Variants in CACNA1I observed in about 807,000 individuals in gnomAD.
CACNA1I encodes calcium voltage-gated channel subunit alpha1 I, also known as voltage-dependent T-type calcium channel subunit alpha-1I.
CACNA1I carries 74 observed loss-of-function variants against 201.6 expected under a neutral mutation model. The observed-to-expected ratio is 0.37, with a 90% confidence interval of 0.30 to 0.45. CACNA1I has a LOEUF of 0.45. Ranked by LOEUF, CACNA1I falls within the 20% of genes least tolerant of loss-of-function variation. CACNA1I has a pLI of 1.00. For missense variants in CACNA1I, 2,346 were observed against 3,138.1 expected (o/e 0.75, Z 6.03); for synonymous variants, 1,431 against 1,345.2 (o/e 1.06, Z -1.40).
At chr22:39,613,888 A>C (rs1270181728) in intron 3 of CACNA1I, among the ~76,000 whole-genome samples, 1 of 151,592 alleles carries the variant, frequency 6.6e-6, no homozygotes, top group Non-Finnish European at 1.5e-5. Flanking sequence ...CCCAGGCTGG[A>C]GTGCAGTGGC....
chr22:39,635,340 G>GT (rs1056139752), intron 5 of CACNA1I, among the ~76,000 whole-genome samples: 13 of 136,888 alleles, frequency 9.5e-5, no homozygotes, highest in African/African-American at 3.8e-4. Flanking sequence ...TGCGGCAGAA[G>GT]GGGGGGGGTC....
chr22:39,642,249 ACT>A (rs767676157), intron 6 of CACNA1I, among the ~76,000 whole-genome samples: 50 of 151,706 alleles, frequency 3.3e-4, no homozygotes, highest in Middle Eastern at 6.8e-3. Flanking sequence ...AGGGGGTCCC[ACT>A]CTGTGCATTT....
At chr22:39,620,249 ATC>A (rs1933703499) in intron 4 of CACNA1I, among the ~76,000 whole-genome samples, 1 of 93,882 alleles carries the variant, frequency 1.1e-5, no homozygotes, top group African/African-American at 3.6e-5. Flanking sequence ...CCATCCATCC[ATC>A]CATCCATCCA....
intron 10 of CACNA1I, chr22:39,656,439 A>G (rs1569083978): frequency 1.9e-6 from 1 of 518,662 alleles, no homozygotes; most frequent in Non-Finnish European, 3.8e-6. Flanking sequence ...TCCTGACCCC[A>G]CTAGCACCGC....
At position 39,648,403 on chromosome 22, in the gene CACNA1I, C is replaced by T. The variant is rs1360090511; in HGVS notation, c.1567+477C>T. Among the ~76,000 whole-genome samples, 2 of 152,170 alleles carry T rather than the reference C, an allele frequency of 1.3e-5. No homozygotes were observed. The highest frequency in any genetic ancestry group is 4.8e-5 in the African/African-American group (2 of 41,464). On this transcript the variant is annotated intron_variant, in intron 9 of 36. Transcript: ENST00000402142. The surrounding 1 kb of genome is among the most constrained non-coding windows in gnomAD (Gnocchi z 5.4). ...TCCTGCGGCCGCCCAGCCCCCTCTC[C>T]TGGCACTCTTGCCCCCTTGCCCCTG... is the stretch of plus-strand genomic sequence containing the variant.
intron 1 of CACNA1I, among the ~76,000 whole-genome samples, chr22:39,573,447 C>T (rs1463979318): frequency 2.0e-5 from 3 of 152,030 alleles, no homozygotes; most frequent in Non-Finnish European, 4.4e-5. Flanking sequence ...CCACGTGTCA[C>T]GGAGAGGCCC....
rs1317441503 is a variant in CACNA1I at position 39,686,279 on chromosome 22, G to A, written c.6546G>A (p.Ala2182=). ...TGGCCCGGAGCCCCTCGTGGGCCGC[G>A]GACCGCAGCAAGGACCCCCCCGGCC... ...HGLARSPSWA[A]DRSKDPPGRA... is the part of the protein sequence containing the mutation. The change falls in exon 37 of 37, where the codon GCG becomes GCA. Residue 2182 remains alanine, a synonymous_variant. Transcript: ENST00000402142. 2.3e-6 allele frequency: 3 copies of A among 1,313,914 alleles called. No homozygotes were observed. Among genetic ancestry groups the A allele is most frequent in the Admixed American group, 3.2e-5 (1 of 30,904 alleles). The allele number at this position is 1,313,914 out of a possible 1,614,324, so 81.4% of individuals were successfully genotyped here. A position where few individuals can be genotyped will look rare whatever the true frequency, so the allele number is the denominator to read the frequency against.
intron 1 of CACNA1I, among the ~76,000 whole-genome samples, chr22:39,596,032 G>C (rs112842113): frequency 6.7e-6 from 1 of 148,538 alleles, no homozygotes; most frequent in Non-Finnish European, 1.5e-5. Context: ...AGTGGGAACA[G>C]CACATGCAAA....
intron 10 of CACNA1I, among the ~76,000 whole-genome samples, chr22:39,657,123 C>T (rs952988699): frequency 6.6e-6 from 1 of 152,228 alleles, no homozygotes; most frequent in African/African-American, 2.4e-5. Context: ...AATGTCCAAA[C>T]CAAACCCGGA....
At chr22:39,577,042 C>T (rs1932379439) in intron 1 of CACNA1I, among the ~76,000 whole-genome samples, 1 of 152,084 alleles carries the variant, frequency 6.6e-6, no homozygotes, top group Non-Finnish European at 1.5e-5. Flanking sequence ...ACCTTCGCCT[C>T]CCAGTTTCAA....
At chr22:39,626,435 G>A (rs1336607717) in intron 4 of CACNA1I, among the ~76,000 whole-genome samples, 1 of 152,156 alleles carries the variant, frequency 6.6e-6, no homozygotes, top group Non-Finnish European at 1.5e-5. Context: ...ATCAGCTGAG[G>A]GTTGGAGAGG....
intron 4 of CACNA1I, among the ~76,000 whole-genome samples, chr22:39,624,407 CGA>C (rs893208761): frequency 1.3e-5 from 2 of 152,152 alleles, no homozygotes; most frequent in African/African-American, 4.8e-5. Context: ...AGAGGAGCTC[CGA>C]GCGGGCTCCG....
chr22:39,640,889 C>G lies in CACNA1I; in HGVS notation c.763C>G (p.Pro255Ala), dbSNP rs1008375623. The change falls in exon 6 of 37, where the codon CCA becomes GCA. Residue 255 changes from proline to alanine, a missense_variant. By Grantham distance (27) the Pro-to-Ala change is conservative. This residue lies in a region of CACNA1I where 227 missense variants were observed against 412.5 expected (regional missense o/e 0.55). Coordinates refer to ENST00000402142, the MANE Select transcript of CACNA1I (RefSeq NM_021096.4). The part of the protein sequence containing the change: ...FTIQGDVALP[P>A]YYQPEEDDEM... Reference sequence around the variant, plus strand: ...CAGACAAGGGGATGTGGCCTTGCCCCCATACTACCAGCCGGAGGAGGATGA... The same window carrying G: ...CAGACAAGGGGATGTGGCCTTGCCCGCATACTACCAGCCGGAGGAGGATGA... The G allele has an allele frequency of 1.2e-6, 2 of 1,613,372 alleles. No individual in the cohort carries two copies. Among genetic ancestry groups the G allele is most frequent in the South Asian group, 1.1e-5 (1 of 90,958 alleles).
chr22:39,663,606 GT>G lies in CACNA1I; in HGVS notation c.3474-110del, dbSNP rs1935091952. Reference sequence around the variant, plus strand: ...CACCTGGCCAGAGGAGAGGATAGGGGTTGCTTCCTCGAGGCCAGCGTGGTCT... The same window carrying G: ...CACCTGGCCAGAGGAGAGGATAGGGGTGCTTCCTCGAGGCCAGCGTGGTCT... On this transcript the variant is annotated intron_variant, in intron 18 of 36. Coordinates refer to ENST00000402142, the MANE Select transcript of CACNA1I (RefSeq NM_021096.4). The G allele has an allele frequency of 1.2e-5, 15 of 1,294,690 alleles. No individual in the cohort carries two copies. In the South Asian group the frequency reaches 2.1e-4, roughly 18 times the overall value. The allele number at this position is 1,294,690 out of a possible 1,614,324, so 80.2% of individuals were successfully genotyped here. A position where few individuals can be genotyped will look rare whatever the true frequency, so the allele number is the denominator to read the frequency against.
intron 4 of CACNA1I, among the ~76,000 whole-genome samples, chr22:39,630,152 C>G (rs1245450195): frequency 6.6e-6 from 1 of 152,096 alleles, no homozygotes; most frequent in Admixed American, 6.5e-5. Flanking sequence ...GCTGACTCTG[C>G]CACCCCTTCC....
chr22:39,686,330 C>A lies in CACNA1I; in HGVS notation c.6597C>A (p.Gly2199=). 4.6e-6 allele frequency: 6 copies of A among 1,309,800 alleles called. No individual in the cohort carries two copies. Among genetic ancestry groups the A allele is most frequent in the South Asian group, 2.0e-5 (1 of 50,106 alleles). 81.1% of individuals were successfully genotyped at this position (1,309,800 alleles called of 1,614,324 possible). Residue 2199 remains glycine, a synonymous_variant, in exon 37 of 37, where the codon GGC becomes GGA. Coordinates refer to ENST00000402142, the MANE Select transcript of CACNA1I (RefSeq NM_021096.4). ...GGGCACCGCTGCCCATGGGCCTGGG[C>A]CCCTTGGCGCCCCCGCCGCAACCGC... is the stretch of plus-strand genomic sequence containing the variant. ...PGRAPLPMGL[G]PLAPPPQPLP...
At chr22:39,646,912 A>AGGCACTTCGTGCCAAGTGTCACTCC (rs1934511350) in intron 8 of CACNA1I, 31 bp downstream of exon 8, 1 of 1,457,444 alleles carries the variant, frequency 6.9e-7, no homozygotes, top group African/African-American at 1.4e-5. Context: ...CGCGGCACTC[A>AGGCACTTCGTGCCAAGTGTCACTCC]GGCACTTCGT....
rs372408370 is a variant in CACNA1I at position 39,661,215 on chromosome 22, C to A, written c.2806C>A (p.Leu936Ile). Residue 936 changes from leucine (L) to isoleucine (I), a missense_variant, in exon 16 of 37, where the codon CTC becomes ATC. Leu to Ile is a conservative substitution (Grantham distance 5, BLOSUM62 2). Around this residue, in one of 13 missense-constraint regions of CACNA1I, gnomAD observed 92 missense variants for 114.5 expected, o/e 0.80. Coordinates refer to ENST00000402142, the MANE Select transcript of CACNA1I (RefSeq NM_021096.4). ...TGGGGCTGCGGGACCTGCCCCCCGACTCTCACTGCAGCCGGACCCCATGCT... is the reference window on the plus strand; with the variant it reads ...TGGGGCTGCGGGACCTGCCCCCCGAATCTCACTGCAGCCGGACCCCATGCT... ...PAGAAGPAPR[L>I]SLQPDPMLVA... 3 of 1,612,404 alleles carry A rather than the reference C, an allele frequency of 1.9e-6. No individual in the cohort carries two copies. Among genetic ancestry groups the A allele is most frequent in the Non-Finnish European group, 2.5e-6 (3 of 1,179,410 alleles).
intron 1 of CACNA1I, among the ~76,000 whole-genome samples, chr22:39,572,250 G>A (rs1932208608): frequency 6.6e-6 from 1 of 152,052 alleles, no homozygotes; most frequent in African/African-American, 2.4e-5. Flanking sequence ...TGAGGAGGAG[G>A]CTTGGGGACC....
Sources: gnomAD v4.1 joint callset for allele counts (sites outside exome capture counted in the v4.1 genomes callset) on GRCh38, gnomAD v4.1.1 for gene constraint, gnomAD v4.1.1 regional missense constraint, Gnocchi (gnomAD v3.1) non-coding constraint, MANE v1.5 for transcripts, NCBI Gene and HGNC (gene_info 2026-07-23, HGNC 2026-07-21) for gene names.